The following TMC1 variants were observed in gnomAD, a reference collection of about 807,000 sequenced individuals.
TMC1 encodes the protein transmembrane channel like 1.
Under a neutral mutation model 105.8 loss-of-function variants are expected in TMC1, and 84 were observed. The observed-to-expected ratio is 0.79, with a 90% CI of 0.67 to 0.95. The LOEUF (loss-of-function observed/expected upper bound fraction) is 0.95. Ranked by LOEUF, TMC1 falls within the 40% of genes least tolerant of loss-of-function variation. The probability of loss-of-function intolerance (pLI) is 0.00; values close to 1 mark genes in which losing one functional copy is unlikely to be tolerated. For missense variants in TMC1, 817 were observed against 914.1 expected (o/e 0.89, Z 1.37); for synonymous variants, 315 against 311.5 (o/e 1.01, Z -0.12).
At chr9:72,816,623 T>C (rs1329591045) in intron 19 of TMC1, among the ~76,000 whole-genome samples, 2 of 152,222 alleles carry the variant, frequency 1.3e-5, no homozygotes, top group African/African-American at 4.8e-5. Context: ...AAAATGTAAC[T>C]TATAGCTACT....
intron 12 of TMC1, among the ~76,000 whole-genome samples, chr9:72,771,560 G>A (rs1376187208): frequency 6.6e-6 from 1 of 152,130 alleles, no homozygotes; most frequent in Non-Finnish European, 1.5e-5. Flanking sequence ...GCCCCATATT[G>A]ACAAGTGATT....
Position 72,792,309 on chromosome 9 carries a change from C to A in TMC1, c.1523C>A (p.Ala508Glu). The A allele has an allele frequency of 6.2e-7, 1 of 1,614,134 alleles. No homozygotes were observed. Among genetic ancestry groups the A allele is most frequent in the Non-Finnish European group, 8.5e-7 (1 of 1,180,022 alleles). Residue 508 changes from alanine (A) to glutamate (E), a missense_variant, in exon 17 of 24, where the codon GCA (alanine) becomes GAA (glutamate). Physicochemically the swap from Ala to Glu is moderately radical, Grantham distance 107 (BLOSUM62 -1). Transcript: ENST00000297784. ...GGACCACCCTTTTTTGTTCACCCTG[C>A]AGATGTACCTCGAGGACCTTGCTGG... ...STGPPFFVHP[A>E]DVPRGPCWET...
chr9:72,768,345 G>A (rs895847070), intron 12 of TMC1, among the ~76,000 whole-genome samples: 13 of 152,072 alleles, frequency 8.5e-5, no homozygotes, highest in Non-Finnish European at 1.9e-4. Flanking sequence ...CTAGGGGAGG[G>A]ATAGCATTAG....
intron 8 of TMC1, among the ~76,000 whole-genome samples, chr9:72,731,800 C>T (rs1827215333): frequency 6.6e-6 from 1 of 152,168 alleles, no homozygotes; most frequent in South Asian, 2.1e-4. Context: ...CATTCCCCTG[C>T]ACCAGAATGT....
intron 17 of TMC1, among the ~76,000 whole-genome samples, chr9:72,802,254 T>TATATAC (rs1564564685): frequency 1.1e-4 from 16 of 149,276 alleles, no homozygotes; most frequent in East Asian, 9.0e-4. Context: ...TACATACATA[T>TATATAC]ATACATACAT....
intron 18 of TMC1, among the ~76,000 whole-genome samples, chr9:72,807,589 A>G (rs999363689): frequency 6.6e-6 from 1 of 152,246 alleles, no homozygotes; most frequent in African/African-American, 2.4e-5. Context: ...TTCTAGAAGC[A>G]GGGAAAGATG....
chr9:72,622,076 A>C (rs1354526290), intron 3 of TMC1, among the ~76,000 whole-genome samples: 2 of 151,938 alleles, frequency 1.3e-5, no homozygotes, highest in Non-Finnish European at 2.9e-5. Flanking sequence ...AATTTGGGGG[A>C]TATTCAACTT....
intron 19 of TMC1, among the ~76,000 whole-genome samples, chr9:72,819,075 C>T (rs1828831745): frequency 6.6e-6 from 1 of 152,134 alleles, no homozygotes; most frequent in African/African-American, 2.4e-5. Flanking sequence ...ACCTCAAAAT[C>T]GTAGCAGCTC....
intron 4 of TMC1, among the ~76,000 whole-genome samples, chr9:72,631,027 C>G (rs1456211548): frequency 6.6e-6 from 1 of 151,894 alleles, no homozygotes; most frequent in Non-Finnish European, 1.5e-5. Flanking sequence ...ACCATCACGC[C>G]CGGCTAATTT....
chr9:72,667,497 A>G (rs1405097497), intron 5 of TMC1, among the ~76,000 whole-genome samples: 1 of 152,204 alleles, frequency 6.6e-6, no homozygotes, highest in Non-Finnish European at 1.5e-5. Context: ...TCTTGTTGGT[A>G]TATATACCTT....
chr9:72,667,964 TC>T (rs1826070316), intron 5 of TMC1, among the ~76,000 whole-genome samples: 1 of 152,218 alleles, frequency 6.6e-6, no homozygotes, highest in Admixed American at 6.5e-5. Context: ...TTCTCTCAGT[TC>T]CTATCTTTGA....
chr9:72,606,971 G>GTATGTA (rs33944435), intron 2 of TMC1, among the ~76,000 whole-genome samples: 33,378 of 128,706 alleles, frequency 0.26, 4,580 homozygotes, highest in African/African-American at 0.35. Context: ...ATGTATGTAT[G>GTATGTA]TGTGTGTGTG....
At chr9:72,712,225 A>G (rs1826848954) in intron 8 of TMC1, among the ~76,000 whole-genome samples, 1 of 151,812 alleles carries the variant, frequency 6.6e-6, no homozygotes, top group Non-Finnish European at 1.5e-5. Flanking sequence ...TTTGTTCTTT[A>G]TGCTTAGGAT....
intron 2 of TMC1, among the ~76,000 whole-genome samples, chr9:72,605,500 A>G (rs1012130280): frequency 6.6e-6 from 1 of 151,660 alleles, no homozygotes; most frequent in East Asian, 1.9e-4. Flanking sequence ...CCCTCTTCAC[A>G]TGGTTGTCCC....
intron 5 of TMC1, among the ~76,000 whole-genome samples, chr9:72,680,053 A>T (rs1826262799): frequency 6.6e-6 from 1 of 152,120 alleles, no homozygotes; most frequent in Admixed American, 6.6e-5. Flanking sequence ...ATCACATTTA[A>T]TTTCACAAAA....
chr9:72,532,519 C>A (rs1161579115), intron 1 of TMC1, among the ~76,000 whole-genome samples: 1 of 104,630 alleles, frequency 9.6e-6, no homozygotes, highest in Non-Finnish European at 1.8e-5. Flanking sequence ...CCAGCCTGGA[C>A]AACAAGAGCG....
intron 8 of TMC1, 67 bp downstream of exon 8, chr9:72,700,710 TTCCATATA>T: frequency 5.5e-6 from 3 of 542,412 alleles, no homozygotes; most frequent in South Asian, 1.7e-5. Context: ...CCTCTGAATA[TTCCATATA>T]TATATATATA....
chr9:72,784,341 T>G (rs975891775), intron 13 of TMC1, among the ~76,000 whole-genome samples: 1 of 152,146 alleles, frequency 6.6e-6, no homozygotes, highest in African/African-American at 2.4e-5. Flanking sequence ...ACATTACTAA[T>G]CATTAGAGAA....
intron 1 of TMC1, among the ~76,000 whole-genome samples, chr9:72,569,331 G>A (rs1824227730): frequency 6.6e-6 from 1 of 151,878 alleles, no homozygotes. Flanking sequence ...TTAACCTATG[G>A]TTGGTTGGAA....
Sources: gnomAD v4.1 joint callset for allele counts (sites outside exome capture counted in the v4.1 genomes callset) on GRCh38, gnomAD v4.1.1 for gene constraint, MANE v1.5 for transcripts, NCBI Gene and HGNC (gene_info 2026-07-23, HGNC 2026-07-21) for gene names.